TRAPPC9: variants seen among roughly 807,000 people sequenced by gnomAD.
TRAPPC9 encodes trafficking protein particle complex subunit 9.
TRAPPC9 carries 83 observed loss-of-function variants against 124.0 expected under a neutral mutation model. The observed-to-expected ratio is 0.67, with a 90% CI of 0.56 to 0.80. The LOEUF is 0.80. TRAPPC9 is among the 30% of genes least tolerant of loss of function. The probability of loss-of-function intolerance (pLI) is 0.00; values close to 1 mark genes in which losing one functional copy is unlikely to be tolerated. For synonymous variants in TRAPPC9, 638 were observed against 617.5 expected (o/e 1.03, Z -0.49); for missense variants, 1,302 against 1,508.3 (o/e 0.86, Z 2.27).
rs116708253 is a variant in TRAPPC9 at position 140,217,149 on chromosome 8, G to C, written c.2556+4310C>G. Among the ~76,000 whole-genome samples, 498 of 152,344 alleles carry C rather than the reference G, an allele frequency of 3.3e-3. 4 individuals carry two copies. Among genetic ancestry groups the C allele is most frequent in the African/African-American group, 0.012 (480 of 41,584 alleles). Reference sequence around the variant, plus strand: ...TGCTTTAATTCAGCAAAGAGGCAGAGTGAGGGAGGGTCAGAAGGAAGCCTG... The same window carrying C: ...TGCTTTAATTCAGCAAAGAGGCAGACTGAGGGAGGGTCAGAAGGAAGCCTG... On this transcript the variant is annotated intron_variant, in intron 17 of 22. Transcript: ENST00000438773.
At chr8:140,458,032 GGT>G (rs2071758847), upstream of TRAPPC9, among the ~76,000 whole-genome samples, 1 of 129,646 alleles carries the variant, frequency 7.7e-6, no homozygotes, top group Non-Finnish European at 1.6e-5. Context: ...GAGGAGGAGG[GGT>G]GAAAGAAGGA....
At position 139,898,173 on chromosome 8, in the gene TRAPPC9, AG is replaced by A. The variant is rs1830784718; in HGVS notation, c.2964+11973del. 2.0e-5 allele frequency among the ~76,000 whole-genome samples: 3 copies of A among 152,228 alleles called. No homozygotes were observed. The South Asian group carries it at 6.2e-4, about 31-fold the overall frequency. On this transcript the variant is annotated intron_variant, in intron 20 of 22. Coordinates refer to ENST00000438773, the MANE Select transcript of TRAPPC9 (RefSeq NM_001160372.4). ...GGGCGGCTACTTGCCCAGGAAGAGC[AG>A]CCCCAAATATGGCAGGCAGGGAGCC...
chr8:140,408,140 G>A lies in TRAPPC9; in HGVS notation c.887-2442C>T, dbSNP rs565080359. ...GACATCTGTAAAGTTGTGACAGCCCGTATGAGATGTCATCATGAACTAGTG... is the reference window on the plus strand; with the variant it reads ...GACATCTGTAAAGTTGTGACAGCCCATATGAGATGTCATCATGAACTAGTG... On this transcript the variant is annotated intron_variant, in intron 5 of 22. Transcript: ENST00000438773. Among the ~76,000 whole-genome samples, 12 of 152,240 alleles carry A rather than the reference G, an allele frequency of 7.9e-5. No homozygotes were observed. The South Asian group carries it at 1.5e-3, about 18-fold the overall frequency.
At chr8:139,940,683 C>T (rs1353145963) in intron 19 of TRAPPC9, among the ~76,000 whole-genome samples, 1 of 151,960 alleles carries the variant, frequency 6.6e-6, no homozygotes, top group Non-Finnish European at 1.5e-5. Flanking sequence ...AGAACTTCCT[C>T]CAAGAAGCTA....
intron 21 of TRAPPC9, among the ~76,000 whole-genome samples, chr8:139,797,272 T>C (rs1208269668): frequency 6.6e-6 from 1 of 152,208 alleles, no homozygotes; most frequent in East Asian, 1.9e-4. Context: ...ATTTATTTAT[T>C]TTTTTGAGAT....
At chr8:139,905,520 T>G (rs1831299445) in intron 20 of TRAPPC9, among the ~76,000 whole-genome samples, 1 of 152,128 alleles carries the variant, frequency 6.6e-6, no homozygotes, top group Non-Finnish European at 1.5e-5. Context: ...CAGAAGCCCT[T>G]GCTGTCCCCA....
chr8:140,153,931 G>A (rs1450526050), intron 17 of TRAPPC9, among the ~76,000 whole-genome samples: 1 of 152,096 alleles, frequency 6.6e-6, no homozygotes, highest in Non-Finnish European at 1.5e-5. Context: ...TTGCTTATGT[G>A]ACACCGTCTG....
chr8:139,949,614 A>T (rs1056507379), intron 19 of TRAPPC9, among the ~76,000 whole-genome samples: 6 of 152,264 alleles, frequency 3.9e-5, no homozygotes, highest in African/African-American at 1.4e-4. Context: ...GACCCTGATT[A>T]CATTACATGC....
intron 17 of TRAPPC9, among the ~76,000 whole-genome samples, chr8:140,042,136 T>G (rs1841311178): frequency 6.6e-6 from 1 of 152,058 alleles, no homozygotes. Context: ...GTATCCTTCT[T>G]AGGAGGCATG....
chr8:139,932,298 C>A (rs767397377), intron 19 of TRAPPC9: 4 of 457,702 alleles, frequency 8.7e-6, no homozygotes, highest in South Asian at 6.2e-5. Context: ...GGGAGAATGT[C>A]CCCACCTCGT....
At chr8:140,024,272 A>G (rs13261902) in intron 17 of TRAPPC9, among the ~76,000 whole-genome samples, 193 bp from the exon 18 acceptor site, 5 of 151,680 alleles carry the variant, frequency 3.3e-5, no homozygotes, top group African/African-American at 1.2e-4. Context: ...TCACACCCCC[A>G]GCGGGCACCA....
At chr8:140,255,035 T>C (rs7005324) in intron 15 of TRAPPC9, among the ~76,000 whole-genome samples, 17,522 of 152,238 alleles carry the variant, frequency 0.12, 1,750 homozygotes, top group African/African-American at 0.27. Context: ...TAAGCAGACA[T>C]ATTCCTGGCC....
At chr8:139,789,036 G>A (rs923851555) in intron 21 of TRAPPC9, among the ~76,000 whole-genome samples, 10 of 152,284 alleles carry the variant, frequency 6.6e-5, no homozygotes, top group East Asian at 3.9e-4. Context: ...CTAAGAACAC[G>A]GTACAGCTAA....
chr8:140,360,302 C>A (rs1484575603), intron 8 of TRAPPC9, 109 bp from the exon 9 acceptor site: 2 of 1,386,540 alleles, frequency 1.4e-6, no homozygotes, highest in Non-Finnish European at 1.0e-6. Context: ...CCTCAACCAC[C>A]AAACTCCAAG....
intron 21 of TRAPPC9, among the ~76,000 whole-genome samples, chr8:139,871,144 G>A (rs1435240678): frequency 1.3e-5 from 2 of 152,224 alleles, no homozygotes; most frequent in African/African-American, 4.8e-5. Flanking sequence ...CTGCAGTAGA[G>A]GCTTCTCAAT....
chr8:140,379,265 C>A (rs1475568727), intron 7 of TRAPPC9, among the ~76,000 whole-genome samples: 1 of 152,206 alleles, frequency 6.6e-6, no homozygotes, highest in African/African-American at 2.4e-5. Context: ...TGGAGGTCAT[C>A]TCCCTCCATG....
intron 21 of TRAPPC9, among the ~76,000 whole-genome samples, chr8:139,848,544 T>C (rs550374005): frequency 2.1e-4 from 32 of 152,026 alleles, no homozygotes; most frequent in Admixed American, 7.9e-4. Flanking sequence ...CACACACACA[T>C]ATATATATCC....
intron 17 of TRAPPC9, among the ~76,000 whole-genome samples, chr8:140,075,622 A>T (rs1843461715): frequency 6.6e-6 from 1 of 152,242 alleles, no homozygotes; most frequent in Non-Finnish European, 1.5e-5. Context: ...ACATTTGTTA[A>T]GCATGTATAT....
At chr8:140,047,166 T>C (rs1202647369) in intron 17 of TRAPPC9, among the ~76,000 whole-genome samples, 1 of 152,194 alleles carries the variant, frequency 6.6e-6, no homozygotes, top group East Asian at 1.9e-4. Context: ...AGGAGCTAAA[T>C]ATAGCTCCTC....
Sources: allele counts gnomAD v4.1 joint callset (sites outside exome capture counted in the v4.1 genomes callset), GRCh38; gene constraint gnomAD v4.1.1; transcripts MANE v1.5; gene names NCBI Gene and HGNC (gene_info 2026-07-23, HGNC 2026-07-21).